The following SORBS2 variants were observed in gnomAD, a reference collection of about 807,000 sequenced individuals.
The protein encoded by SORBS2 is sorbin and SH3 domain-containing protein 2.
Under a neutral mutation model 97.7 loss-of-function variants are expected in SORBS2, and 46 were observed. That is an observed-to-expected ratio of 0.47 (90% CI 0.37 to 0.60). The LOEUF (loss-of-function observed/expected upper bound fraction) is 0.60, where lower values mean the gene tolerates loss of function less well. SORBS2 is among the 20% of genes least tolerant of loss of function. SORBS2 has a pLI of 0.00. For missense variants in SORBS2, 1,316 were observed against 1,282.3 expected (o/e 1.03, Z -0.40); for synonymous variants, 476 against 473.4 (o/e 1.01, Z -0.07).
intron 2 of SORBS2, among the ~76,000 whole-genome samples, chr4:185,650,405 C>T (rs2097293579): frequency 6.6e-6 from 1 of 151,826 alleles, no homozygotes; most frequent in African/African-American, 2.4e-5. Flanking sequence ...GAAAAAAAGG[C>T]AGAAAAGTGC....
At chr4:185,795,124 T>C (rs768886231) in intron 1 of SORBS2, among the ~76,000 whole-genome samples, 9 of 152,170 alleles carry the variant, frequency 5.9e-5, no homozygotes, top group Non-Finnish European at 2.9e-5. Flanking sequence ...TTCTGTTTGA[T>C]ACCCTGCTGT....
At chr4:185,731,675 C>T (rs1344113712) in intron 2 of SORBS2, among the ~76,000 whole-genome samples, 8 of 76,368 alleles carry the variant, frequency 1.0e-4, no homozygotes, top group African/African-American at 3.4e-4. Flanking sequence ...TCTCTCCCTC[C>T]CTCCCTGCCT....
chr4:185,629,514 T>C (rs1296452665), intron 5 of SORBS2, among the ~76,000 whole-genome samples: 1 of 151,996 alleles, frequency 6.6e-6, no homozygotes, highest in Non-Finnish European at 1.5e-5. Flanking sequence ...GTTTGTATTA[T>C]TCAATATTAC....
intron 1 of SORBS2, among the ~76,000 whole-genome samples, chr4:185,806,608 C>A (rs1232575873): frequency 3.3e-5 from 5 of 151,344 alleles, no homozygotes; most frequent in Admixed American, 6.6e-5. Flanking sequence ...CAGGCGCCCG[C>A]CACTACGCCC....
chr4:185,688,984 T>C (rs140164622), intron 2 of SORBS2, among the ~76,000 whole-genome samples: 53 of 152,262 alleles, frequency 3.5e-4, no homozygotes, highest in African/African-American at 1.2e-3. Context: ...AATGAGAAGA[T>C]GCTTTAGAAG....
chr4:185,661,442 C>T (rs538070990), upstream of SORBS2, among the ~76,000 whole-genome samples: 3 of 152,246 alleles, frequency 2.0e-5, no homozygotes, highest in East Asian at 1.9e-4. Flanking sequence ...TATGAACGTC[C>T]GTATGTCCAT....
exon 2 of SORBS2, chr4:185,775,347 A>G (rs1026283551): frequency 2.0e-5 from 3 of 152,592 alleles, no homozygotes; most frequent in Non-Finnish European, 4.4e-5. Context: ...GAGGTTTAAG[A>G]TTAAGTCCAA....
At chr4:185,827,325 C>T (rs1289688892) in intron 1 of SORBS2, among the ~76,000 whole-genome samples, 1 of 9,206 alleles carries the variant, frequency 1.1e-4, no homozygotes, top group Admixed American at 6.8e-4. Flanking sequence ...TCATCACCAT[C>T]ATCATCATCA....
rs62652500 is a variant in SORBS2 at position 185,827,378 on chromosome 4, T to C, written c.-337-52012A>G. Among the ~76,000 whole-genome samples the C allele has an allele frequency of 2.4e-3, 4 of 1,650 alleles. 1 individual carries two copies. Among genetic ancestry groups the C allele is most frequent in the African/African-American group, 5.4e-3 (3 of 558 alleles). The allele number at this position is 1,650 out of a possible 152,430, so 1.1% of individuals were successfully genotyped here. A position where few individuals can be genotyped will look rare whatever the true frequency, so the allele number is the denominator to read the frequency against. ...ATCATCATCATCATCATCATCATCATCATCATCATCATCATCATCATCATC... is the reference window on the plus strand; with the variant it reads ...ATCATCATCATCATCATCATCATCACCATCATCATCATCATCATCATCATC... On this transcript the variant is annotated intron_variant, in intron 1 of 20. Transcript: ENST00000284776.
rs535656497 is a variant in SORBS2, at chr4:185,867,256, C to T, written c.-338+88940G>A. ...CGAACTCCTGGCCTCGTGATCCGCC[C>T]GCCTCAGCCTCCCAAAGTGCTGGGA... On this transcript the variant is annotated intron_variant, in intron 1 of 20. Coordinates refer to the SORBS2 transcript ENST00000284776. Among the ~76,000 whole-genome samples, 7 of 152,304 alleles carry T rather than the reference C, an allele frequency of 4.6e-5. No individual in the cohort carries two copies. In the East Asian group the frequency reaches 9.7e-4, roughly 21 times the overall value.
chr4:185,940,123 G>A (rs115985075), intron 1 of SORBS2, among the ~76,000 whole-genome samples: 429 of 152,186 alleles, frequency 2.8e-3, no homozygotes, highest in African/African-American at 9.8e-3. Context: ...CTTCAGAACT[G>A]GTCCATGGCC....
chr4:185,955,370 A>C (rs894529740), intron 1 of SORBS2, among the ~76,000 whole-genome samples: 2 of 152,262 alleles, frequency 1.3e-5, no homozygotes, highest in African/African-American at 4.8e-5. Flanking sequence ...CCTACTGTAT[A>C]GAAGAAACAA....
chr4:185,711,986 A>C (rs1464863333), intron 2 of SORBS2, among the ~76,000 whole-genome samples: 1 of 151,916 alleles, frequency 6.6e-6, no homozygotes, highest in Non-Finnish European at 1.5e-5. Flanking sequence ...TTGACTCATA[A>C]CTCCTCCTAC....
At chr4:185,753,230 TA>T (rs1308665883) in intron 2 of SORBS2, among the ~76,000 whole-genome samples, 1 of 152,172 alleles carries the variant, frequency 6.6e-6, no homozygotes, top group Non-Finnish European at 1.5e-5. Flanking sequence ...CACCAACCCA[TA>T]AACACAAAAA....
intron 2 of SORBS2, among the ~76,000 whole-genome samples, chr4:185,734,926 C>T (rs982506833): frequency 6.6e-6 from 1 of 152,208 alleles, no homozygotes; most frequent in African/African-American, 2.4e-5. Context: ...TCTTCTGTTG[C>T]AGACTCTTTT....
intron 1 of SORBS2, among the ~76,000 whole-genome samples, chr4:185,900,119 AC>A (rs1391294483): frequency 1.3e-5 from 2 of 152,176 alleles, no homozygotes; most frequent in Non-Finnish European, 2.9e-5. Flanking sequence ...TATAGTAAGA[AC>A]CCATCTCTAA....
intron 7 of SORBS2, among the ~76,000 whole-genome samples, chr4:185,621,638 T>C (rs1002976215): frequency 3.3e-5 from 5 of 152,140 alleles, no homozygotes; most frequent in Non-Finnish European, 7.4e-5. Flanking sequence ...TAAACGTAAG[T>C]GTATAGTGTA....
chr4:185,886,307 G>A (rs766175502), intron 1 of SORBS2, among the ~76,000 whole-genome samples: 1 of 152,080 alleles, frequency 6.6e-6, no homozygotes, highest in Non-Finnish European at 1.5e-5. Context: ...TGTAATCCCA[G>A]CACTTCAGGA....
chr4:185,827,195 T>TCAC (rs2099200860), intron 1 of SORBS2, among the ~76,000 whole-genome samples: 1 of 109,800 alleles, frequency 9.1e-6, no homozygotes, highest in Non-Finnish European at 2.0e-5. Flanking sequence ...ACCATCATCA[T>TCAC]CATCATCACC....
Sources: allele counts gnomAD v4.1 joint callset (sites outside exome capture counted in the v4.1 genomes callset), GRCh38; gene constraint gnomAD v4.1.1; transcripts MANE v1.5; gene names NCBI Gene and HGNC (gene_info 2026-07-23, HGNC 2026-07-21).